WDR33: variants seen among roughly 807,000 people sequenced by gnomAD.
WDR33 encodes WD repeat domain 33.
In WDR33, 47 loss-of-function variants were observed where a neutral mutation model predicts 164.9. The ratio of observed to expected loss-of-function variants is 0.29; its 90% CI spans 0.23 to 0.36. The LOEUF (loss-of-function observed/expected upper bound fraction) is 0.36, where lower values mean the gene tolerates loss of function less well. Ranked by LOEUF, WDR33 falls within the 10% of genes least tolerant of loss-of-function variation. The pLI, the probability that WDR33 is intolerant of heterozygous loss-of-function variation, is 1.00. For synonymous variants in WDR33, 505 were observed against 589.0 expected, an observed-to-expected ratio of 0.86 and a Z score of 2.06; for missense variants, 1,137 against 1,754.1, an observed-to-expected ratio of 0.65 and a Z score of 6.28.
In WDR33 at chr2:127,721,234, T is replaced by C. The variant is rs1264870155; in HGVS notation, c.1671+602A>G. On this transcript the variant is annotated intron_variant, in intron 15 of 21. Transcript: ENST00000322313. The surrounding 1 kb of genome is among the most constrained non-coding windows in gnomAD (Gnocchi z 4.9). The stretch of plus-strand genomic sequence containing the variant: ...GCCATTTTCCTGCCTCAGCCGCCCA[T>C]GTCACTGGGACCACAGGCATGCACC... 2.6e-5 allele frequency among the ~76,000 whole-genome samples: 4 copies of C among 151,884 alleles called. No individual in the cohort carries two copies. The highest frequency in any genetic ancestry group is 5.9e-5 in the Non-Finnish European group (4 of 67,990).
Position 127,764,983 on chromosome 2 carries a change from T to G in WDR33, c.475-4A>C, listed in dbSNP as rs1274823374. 2 of 1,613,156 alleles carry G rather than the reference T, an allele frequency of 1.2e-6. No individual in the cohort carries two copies. Among genetic ancestry groups the G allele is most frequent in the South Asian group, 2.2e-5 (2 of 91,076 alleles). On this transcript the variant is annotated splice_polypyrimidine_tract_variant and splice_region_variant and intron_variant, in intron 5 of 21. Transcript: ENST00000322313. The surrounding 1 kb of genome is among the most constrained non-coding windows in gnomAD (Gnocchi z 6.2). Reference sequence around the variant, plus strand: ...CCCTCACTGGGCTGTCGTGAGCCTGTGAAAGCAGAAAACATTAATTAGTAA... The same window carrying G: ...CCCTCACTGGGCTGTCGTGAGCCTGGGAAAGCAGAAAACATTAATTAGTAA...
intron 1 of WDR33, among the ~76,000 whole-genome samples, chr2:127,804,266 A>G (rs1689358089): frequency 6.6e-6 from 1 of 152,114 alleles, no homozygotes; most frequent in Non-Finnish European, 1.5e-5. Flanking sequence ...GCTTGCAGTG[A>G]GCCAAGATCA....
chr2:127,805,050 T>C (rs1309048509), intron 1 of WDR33, among the ~76,000 whole-genome samples: 3 of 146,120 alleles, frequency 2.1e-5, no homozygotes, highest in African/African-American at 5.0e-5. Flanking sequence ...TCACGTATCA[T>C]CACCTGTGAA....
At chr2:127,767,664 G>A (rs1038917443) in intron 4 of WDR33, among the ~76,000 whole-genome samples, 4 of 152,074 alleles carry the variant, frequency 2.6e-5, no homozygotes, top group Admixed American at 1.3e-4. Flanking sequence ...GCAGTGAGCC[G>A]AGATCACGCC....
intron 1 of WDR33, among the ~76,000 whole-genome samples, chr2:127,779,942 A>G (rs1167591596): frequency 6.6e-6 from 1 of 152,118 alleles, no homozygotes; most frequent in African/African-American, 2.4e-5. Flanking sequence ...CAATTCATAT[A>G]GGACTTTTAA....
chr2:127,766,915 C>A (rs552911744), intron 4 of WDR33, among the ~76,000 whole-genome samples: 1 of 152,228 alleles, frequency 6.6e-6, no homozygotes, highest in East Asian at 1.9e-4. Context: ...CGTGCCACCA[C>A]ACCCGGCTAA....
chr2:127,738,879 G>T lies in WDR33; in HGVS notation c.725-12102C>A, dbSNP rs554928687. Among the ~76,000 whole-genome samples, 3 of 152,214 alleles carry T rather than the reference G, an allele frequency of 2.0e-5. No individual in the cohort carries two copies. In the East Asian group the frequency reaches 5.8e-4, roughly 29 times the overall value. On this transcript the variant is annotated intron_variant, in intron 7 of 21. Coordinates refer to ENST00000322313, the MANE Select transcript of WDR33 (RefSeq NM_018383.5). This position sits in a 1 kb window ranked among gnomAD's most constrained non-coding sequence, Gnocchi z 4.4. ...TAAAATGAAGAGGAGGAGGAGAATG[G>T]AACAAAATCTTGAAAGTGCTGAAAT...
intron 7 of WDR33, among the ~76,000 whole-genome samples, chr2:127,761,617 A>C (rs921933849): frequency 6.6e-6 from 1 of 152,250 alleles, no homozygotes; most frequent in African/African-American, 2.4e-5. Context: ...AATAGTGAGG[A>C]AAGATTCAAC....
chr2:127,781,219 ACATGAACATATC>A, intron 1 of WDR33, among the ~76,000 whole-genome samples: 1 of 152,332 alleles, frequency 6.6e-6, no homozygotes, highest in Non-Finnish European at 1.5e-5. Context: ...GGTAATAGAC[ACATGAACATATC>A]CAAGAGATTG....
At chr2:127,762,453 A>G (rs1407090524) in intron 7 of WDR33, 9 of 930,666 alleles carry the variant, frequency 9.7e-6, no homozygotes, top group African/African-American at 1.8e-5. Context: ...ATTCTAATGC[A>G]TAATCTAAAA....
chr2:127,782,029 C>T (rs188034847), intron 1 of WDR33, among the ~76,000 whole-genome samples: 1,987 of 146,070 alleles, frequency 0.014, 53 homozygotes, highest in African/African-American at 0.049. Flanking sequence ...AAAATCCATG[C>T]TGAGAACACA....
chr2:127,757,397 T>G (rs1286294723), intron 7 of WDR33, among the ~76,000 whole-genome samples: 1 of 152,274 alleles, frequency 6.6e-6, no homozygotes, highest in Admixed American at 6.5e-5. Context: ...AAATATCAAG[T>G]CTTTTTCTCT....
chr2:127,778,449 A>AG (rs1688261299), intron 1 of WDR33, among the ~76,000 whole-genome samples: 1 of 151,608 alleles, frequency 6.6e-6, no homozygotes, highest in African/African-American at 2.4e-5. Context: ...GAAAAAAAAA[A>AG]AAAAGAAAAA....
intron 1 of WDR33, among the ~76,000 whole-genome samples, chr2:127,806,318 A>C (rs1573492419): frequency 6.7e-6 from 1 of 149,192 alleles, no homozygotes. Flanking sequence ...AGCGATTCTC[A>C]TGCCTCAGTC....
intron 8 of WDR33, 98 bp from the exon 9 acceptor site, chr2:127,725,313 G>T: frequency 1.6e-6 from 2 of 1,254,966 alleles, no homozygotes; most frequent in Non-Finnish European, 2.2e-6. Context: ...GATGGCAAGA[G>T]GTTTGGCCTA....
rs1685992325 is a variant in WDR33, at chr2:127,705,634, T to C, written c.*689A>G. Reference sequence around the variant, plus strand: ...GCTCCCTCGTTGGACATCCAGAAGATTGCATTTTCTCTTCAGAGTACAATT... The same window carrying C: ...GCTCCCTCGTTGGACATCCAGAAGACTGCATTTTCTCTTCAGAGTACAATT... On this transcript the variant is annotated 3_prime_UTR_variant, in exon 22 of 22. Coordinates refer to ENST00000322313, the MANE Select transcript of WDR33 (RefSeq NM_018383.5). The surrounding 1 kb of genome is among the most constrained non-coding windows in gnomAD (Gnocchi z 4.5). The C allele has an allele frequency of 2.0e-5, 3 of 152,250 alleles. No homozygotes were observed. In the South Asian group the frequency reaches 6.2e-4, roughly 31 times the overall value. 9.4% of individuals were successfully genotyped at this position (152,250 alleles called of 1,614,324 possible). A position where few individuals can be genotyped will look rare whatever the true frequency, so the allele number is the denominator to read the frequency against.
rs1353369921 is a variant in WDR33 at position 127,718,896 on chromosome 2, T to G, written c.2760+369A>C. ...ATGTAAAGGGCCCAGAAAGGAGGCA[T>G]GACAGCCTCAGAGCCGACCACCATG... On this transcript the variant is annotated intron_variant, in intron 16 of 21. Coordinates refer to ENST00000322313, the MANE Select transcript of WDR33 (RefSeq NM_018383.5). This position sits in a 1 kb window ranked among gnomAD's most constrained non-coding sequence, Gnocchi z 4.4. Among the ~76,000 whole-genome samples, 2 of 152,150 alleles carry G rather than the reference T, an allele frequency of 1.3e-5. No individual in the cohort carries two copies. The highest frequency in any genetic ancestry group is 2.9e-5 in the Non-Finnish European group (2 of 68,022).
rs889011553 is a variant in WDR33 at position 127,702,018 on chromosome 2, C to A, written c.*4305G>T. 1.7e-5 allele frequency: 22 copies of A among 1,298,358 alleles called. No homozygotes were observed. The highest frequency in any genetic ancestry group is 3.3e-5 in the East Asian group (1 of 29,928). 80.4% of individuals were successfully genotyped at this position (1,298,358 alleles called of 1,614,324 possible). On this transcript the variant is annotated 3_prime_UTR_variant, in exon 22 of 22. Coordinates refer to ENST00000322313, the MANE Select transcript of WDR33 (RefSeq NM_018383.5). The stretch of plus-strand genomic sequence containing the variant: ...CACGCTGTTCGCCGCGCTGGGCCTT[C>A]GCAGCACGCTGCTCACGGTGCTGGG...
In WDR33 at chr2:127,709,001, C is replaced by G. The variant is rs1686087124; in HGVS notation, c.3566-109G>C. The G allele has an allele frequency of 6.5e-6, 8 of 1,226,412 alleles. No individual in the cohort carries two copies. The highest frequency in any genetic ancestry group is 3.1e-5 in the African/African-American group (2 of 65,430). 76.0% of individuals were successfully genotyped at this position (1,226,412 alleles called of 1,614,324 possible). A position where few individuals can be genotyped will look rare whatever the true frequency, so the allele number is the denominator to read the frequency against. On this transcript the variant is annotated intron_variant, in intron 20 of 21. Coordinates refer to ENST00000322313, the MANE Select transcript of WDR33 (RefSeq NM_018383.5). The surrounding 1 kb of genome is among the most constrained non-coding windows in gnomAD (Gnocchi z 5.0). ...ACTCGAGAGCCACCGTTCACTCATG[C>G]TGAATGCCCGCCAGAGGCCAAAGGG...
Sources: gnomAD v4.1 joint callset for allele counts (sites outside exome capture counted in the v4.1 genomes callset) on GRCh38, gnomAD v4.1.1 for gene constraint, Gnocchi (gnomAD v3.1) non-coding constraint, MANE v1.5 for transcripts, NCBI Gene and HGNC (gene_info 2026-07-23, HGNC 2026-07-21) for gene names.